SNX25: variants seen among roughly 807,000 people sequenced by gnomAD.
SNX25 encodes the protein sorting nexin-25.
In SNX25, 62 loss-of-function variants were observed where a neutral mutation model predicts 113.7. That is an observed-to-expected ratio of 0.55 (90% CI 0.44 to 0.67). SNX25 has a LOEUF of 0.67. Ranked by LOEUF, SNX25 falls within the 30% of genes least tolerant of loss-of-function variation. SNX25 has a pLI of 0.00. For missense variants in SNX25, 1,014 were observed against 1,161.0 expected, an observed-to-expected ratio of 0.87 and a Z score of 1.84; for synonymous variants, 421 against 436.2, an observed-to-expected ratio of 0.97 and a Z score of 0.43.
At chr4:185,298,752 G>A (rs1753211627) in intron 6 of SNX25, among the ~76,000 whole-genome samples, 1 of 151,970 alleles carries the variant, frequency 6.6e-6, no homozygotes, top group African/African-American at 2.4e-5. Context: ...CCCTACTCTC[G>A]ATATCACTCT....
upstream of SNX25, chr4:185,204,605 AAT>A (rs1370275890): frequency 6.6e-6 from 1 of 152,262 alleles, no homozygotes; most frequent in Non-Finnish European, 1.5e-5. Context: ...ACAACACGTG[AAT>A]ATGTCACCTT....
chr4:185,294,425 G>T (rs1002498909), intron 6 of SNX25, among the ~76,000 whole-genome samples: 4 of 152,154 alleles, frequency 2.6e-5, no homozygotes, highest in Non-Finnish European at 5.9e-5. Flanking sequence ...GAGTGCTCTA[G>T]ATAATCATAA....
intron 1 of SNX25, among the ~76,000 whole-genome samples, chr4:185,223,812 A>C (rs915402772): frequency 6.6e-6 from 1 of 152,106 alleles, no homozygotes. Context: ...TTGACACTCA[A>C]TACCTAGATC....
At chr4:185,231,786 G>A (rs2126411586) in intron 1 of SNX25, among the ~76,000 whole-genome samples, 1 of 151,832 alleles carries the variant, frequency 6.6e-6, no homozygotes, top group African/African-American at 2.4e-5. Flanking sequence ...AGAAACAGAA[G>A]AAGCAATTTG....
intron 6 of SNX25, among the ~76,000 whole-genome samples, chr4:185,290,822 G>A (rs1752065406): frequency 6.6e-6 from 1 of 151,530 alleles, no homozygotes; most frequent in Non-Finnish European, 1.5e-5. Flanking sequence ...GGAAGTTGAG[G>A]ACTATAGCCA....
chr4:185,214,357 G>C (rs907131844), intron 1 of SNX25, among the ~76,000 whole-genome samples: 2 of 135,730 alleles, frequency 1.5e-5, no homozygotes, highest in African/African-American at 5.8e-5. Flanking sequence ...AGGAGTTGCA[G>C]ATCAGCCTGG....
At chr4:185,300,873 A>ACACACACC (rs1356208171) in intron 6 of SNX25, among the ~76,000 whole-genome samples, 1 of 151,312 alleles carries the variant, frequency 6.6e-6, no homozygotes, top group Non-Finnish European at 1.5e-5. Flanking sequence ...ACACACACAC[A>ACACACACC]CAGGTTTTCT....
At chr4:185,335,839 A>G (rs1231290427) in intron 10 of SNX25, among the ~76,000 whole-genome samples, 1 of 152,218 alleles carries the variant, frequency 6.6e-6, no homozygotes, top group Non-Finnish European at 1.5e-5. Flanking sequence ...ACCTGCCCTC[A>G]AGGAGCAAAT....
At chr4:185,367,392 A>C (rs1240151167), downstream of SNX25, 2 of 640,348 alleles carry the variant, frequency 3.1e-6, no homozygotes, top group Admixed American at 6.0e-5. Context: ...TTCTATTCTG[A>C]TGTCCTACTT....
intron 7 of SNX25, among the ~76,000 whole-genome samples, chr4:185,319,221 G>A: frequency 9.0e-6 from 1 of 111,430 alleles, no homozygotes; most frequent in South Asian, 3.0e-4. Flanking sequence ...TTTTTTGATG[G>A]AGTTTCCCTC....
At chr4:185,346,923 TCCCATCGCTGCAGC>T (rs1256587262) in intron 13 of SNX25, among the ~76,000 whole-genome samples, 1 of 152,204 alleles carries the variant, frequency 6.6e-6, no homozygotes, top group East Asian at 1.9e-4. Context: ...CCCAGCTTCC[TCCCATCGCTGCAGC>T]CCCTCTAAAG....
chr4:185,250,236 C>T (rs1455186247), intron 2 of SNX25, among the ~76,000 whole-genome samples: 1 of 152,214 alleles, frequency 6.6e-6, no homozygotes, highest in African/African-American at 2.4e-5. Context: ...GGTTCATGGC[C>T]TTTCCACAAT....
chr4:185,298,090 C>CTTTT (rs1560982438), intron 6 of SNX25, among the ~76,000 whole-genome samples: 1 of 99,996 alleles, frequency 1.0e-5, no homozygotes, highest in Non-Finnish European at 2.2e-5. Context: ...ATTATAGTAA[C>CTTTT]TTCTTTTTTT....
At chr4:185,351,271 C>G (rs1442475070) in intron 13 of SNX25, among the ~76,000 whole-genome samples, 174 bp from the exon 14 acceptor site, 1 of 152,198 alleles carries the variant, frequency 6.6e-6, no homozygotes, top group African/African-American at 2.4e-5. Flanking sequence ...CCATTAAGAT[C>G]ATTAAGAATT....
At chr4:185,288,420 A>G (rs1751655336) in intron 6 of SNX25, among the ~76,000 whole-genome samples, 1 of 152,132 alleles carries the variant, frequency 6.6e-6, no homozygotes, top group Non-Finnish European at 1.5e-5. Flanking sequence ...TAATATTTCT[A>G]TCTTGAAACA....
Position 185,347,625 on chromosome 4 carries a change from C to G in SNX25, c.2301+975C>G, listed in dbSNP as rs527417156. 7.9e-4 allele frequency among the ~76,000 whole-genome samples: 121 copies of G among 152,202 alleles called. 1 individual carries two copies. Among genetic ancestry groups the G allele is most frequent in the African/African-American group, 2.6e-3 (108 of 41,530 alleles). ...AGCTGGGATTACAGGCGCCTGCCAC[C>G]ACGCCTGGCTAATTTTTGTATTTTT... On this transcript the variant is annotated intron_variant, in intron 13 of 18. Transcript: ENST00000652585.
At chr4:185,303,838 C>T (rs550598919) in intron 6 of SNX25, among the ~76,000 whole-genome samples, 4 of 152,142 alleles carry the variant, frequency 2.6e-5, no homozygotes, top group African/African-American at 7.2e-5. Context: ...TGGAGTGACA[C>T]GTTAGACTAT....
chr4:185,286,988 A>C (rs1490241110), intron 5 of SNX25, among the ~76,000 whole-genome samples: 6 of 152,194 alleles, frequency 3.9e-5, no homozygotes, highest in Admixed American at 3.9e-4. Context: ...AGAACACTGC[A>C]CGGTTTTTGT....
At chr4:185,283,375 G>A (rs577368353) in intron 5 of SNX25, among the ~76,000 whole-genome samples, 2 of 152,342 alleles carry the variant, frequency 1.3e-5, no homozygotes, top group East Asian at 3.9e-4. Flanking sequence ...CAGCAGATAA[G>A]GGGAAGTGAT....
Sources: allele counts gnomAD v4.1 joint callset (sites outside exome capture counted in the v4.1 genomes callset), GRCh38; gene constraint gnomAD v4.1.1; transcripts MANE v1.5; gene names NCBI Gene and HGNC (gene_info 2026-07-23, HGNC 2026-07-21).